Variants in DPP6 observed in about 807,000 individuals in gnomAD.
The protein encoded by DPP6 is dipeptidyl peptidase like 6, also known as A-type potassium channel modulatory protein DPP6.
DPP6 carries 69 observed loss-of-function variants against 122.6 expected under a neutral mutation model. That is an observed-to-expected ratio of 0.56 (90% CI 0.46 to 0.69). The LOEUF is 0.69. Among genes scored for constraint, DPP6 ranks in the 30% least tolerant of loss-of-function variants. The pLI is 0.00. For synonymous variants in DPP6, 418 were observed against 433.1 expected (o/e 0.97, Z 0.43); for missense variants, 928 against 1,116.9 (o/e 0.83, Z 2.41).
chr7:153,805,300 T>A, the DPP6 span, among the ~76,000 whole-genome samples: 1 of 152,316 alleles, frequency 6.6e-6, no homozygotes, highest in Non-Finnish European at 1.5e-5. Flanking sequence ...TTATAACCTG[T>A]TGACTTTGTT....
the DPP6 span, among the ~76,000 whole-genome samples, chr7:153,828,109 G>A: frequency 4.6e-5 from 7 of 152,288 alleles, no homozygotes; most frequent in African/African-American, 1.7e-4. Flanking sequence ...TTCCTCCAGT[G>A]CCTTCCAAGA....
At chr7:154,889,776 TC>T in intron 25 of DPP6, 1 of 582,472 alleles carries the variant, frequency 1.7e-6, no homozygotes, top group Non-Finnish European at 2.9e-6. Context: ...CTCCCCGTAC[TC>T]CCACCCCAGC....
intron 21 of DPP6, chr7:154,883,494 GCT>G (rs1805647981): frequency 8.7e-6 from 1 of 114,956 alleles, no homozygotes; most frequent in Non-Finnish European, 1.7e-5. Context: ...TCTCACACAT[GCT>G]CAGACACATG....
chr7:154,615,529 C>T (rs953546987), intron 5 of DPP6, among the ~76,000 whole-genome samples: 1 of 152,184 alleles, frequency 6.6e-6, no homozygotes, highest in Non-Finnish European at 1.5e-5. Flanking sequence ...ATTATTTTAA[C>T]CATCCGTAAG....
intron 1 of DPP6, among the ~76,000 whole-genome samples, chr7:154,358,775 A>T (rs1201674188): frequency 6.6e-6 from 1 of 152,192 alleles, no homozygotes; most frequent in Non-Finnish European, 1.5e-5. Flanking sequence ...ACGTGATCTC[A>T]GCTCACTGCA....
At chr7:154,313,685 G>GTGTATATATATATATATATATA in intron 1 of DPP6, among the ~76,000 whole-genome samples, 1 of 20,472 alleles carries the variant, frequency 4.9e-5, no homozygotes, top group African/African-American at 1.3e-4. Flanking sequence ...TTAAGATATG[G>GTGTATATATATATATATATATA]TATATATATA....
At chr7:154,388,459 TC>T (rs1387470120) in intron 1 of DPP6, among the ~76,000 whole-genome samples, 1 of 152,170 alleles carries the variant, frequency 6.6e-6, no homozygotes, top group Non-Finnish European at 1.5e-5. Context: ...GCCCAAGTCT[TC>T]CCCCCAAAAC....
chr7:154,425,220 G>A (rs1222665389), intron 1 of DPP6, among the ~76,000 whole-genome samples: 1 of 152,110 alleles, frequency 6.6e-6, no homozygotes, highest in Admixed American at 6.6e-5. Context: ...ACAGATTACA[G>A]TCATCTTGGA....
chr7:154,111,683 G>C (rs1269431053), intron 1 of DPP6, among the ~76,000 whole-genome samples: 3 of 149,168 alleles, frequency 2.0e-5, no homozygotes, highest in Non-Finnish European at 4.4e-5. Context: ...GCATGATTTA[G>C]TTGAAATTAG....
At chr7:154,008,443 T>C (rs546257138) in intron 1 of DPP6, among the ~76,000 whole-genome samples, 1 of 152,398 alleles carries the variant, frequency 6.6e-6, no homozygotes, top group South Asian at 2.1e-4. Context: ...GACATAGGTT[T>C]AAGCAAGTCT....
At chr7:154,339,945 C>T (rs756104367) in intron 1 of DPP6, among the ~76,000 whole-genome samples, 2 of 152,036 alleles carry the variant, frequency 1.3e-5, no homozygotes, top group African/African-American at 2.4e-5. Flanking sequence ...TGGGTGCACA[C>T]GCCTGTAATT....
chr7:154,292,573 G>A (rs1032463149), intron 1 of DPP6, among the ~76,000 whole-genome samples: 4 of 152,180 alleles, frequency 2.6e-5, no homozygotes, highest in African/African-American at 9.7e-5. Flanking sequence ...TCGAAAATGG[G>A]AAGTTAACAA....
At chr7:154,708,664 A>C (rs1840970916) in intron 7 of DPP6, among the ~76,000 whole-genome samples, 2 of 152,234 alleles carry the variant, frequency 1.3e-5, no homozygotes, top group Non-Finnish European at 2.9e-5. Flanking sequence ...TTACGATAAA[A>C]AAACCAAAAG....
chr7:154,272,113 A>C (rs1224397980), intron 1 of DPP6, among the ~76,000 whole-genome samples: 3 of 152,236 alleles, frequency 2.0e-5, no homozygotes, highest in African/African-American at 7.2e-5. Flanking sequence ...AAGTACCCTG[A>C]ATTGTTCACT....
chr7:154,642,021 G>A (rs186861373), intron 6 of DPP6, among the ~76,000 whole-genome samples: 15 of 152,314 alleles, frequency 9.8e-5, no homozygotes, highest in Admixed American at 8.5e-4. Context: ...GTGGAAATAG[G>A]AAACTGAGAC....
In DPP6 at chr7:154,116,797, T is replaced by A. The variant is rs183058231; in HGVS notation, c.243+63734T>A. 1.3e-3 allele frequency among the ~76,000 whole-genome samples: 203 copies of A among 152,362 alleles called. 1 individual carries two copies. In the Middle Eastern group the frequency reaches 0.02, roughly 15 times the overall value. On this transcript the variant is annotated intron_variant, in intron 1 of 25. Transcript: ENST00000377770. ...CCTGTCTCTTTTATCAGAAGGTGAA[T>A]TTAGAGAACAATTCTAAAACATAGG...
chr7:154,229,050 G>A (rs1311965091), intron 1 of DPP6, among the ~76,000 whole-genome samples: 3 of 152,174 alleles, frequency 2.0e-5, no homozygotes, highest in Non-Finnish European at 2.9e-5. Context: ...TGGTGGAGAA[G>A]CACTCTGTGG....
chr7:153,916,112 G>A (rs965166363), intron 1 of DPP6, among the ~76,000 whole-genome samples: 5 of 149,612 alleles, frequency 3.3e-5, no homozygotes, highest in Non-Finnish European at 7.4e-5. Context: ...GACTACAGGC[G>A]CCCGCCACTG....
intron 1 of DPP6, among the ~76,000 whole-genome samples, chr7:154,192,996 A>G (rs1281683500): frequency 6.6e-6 from 1 of 152,240 alleles, no homozygotes; most frequent in African/African-American, 2.4e-5. Flanking sequence ...CTCAGTAAAT[A>G]ACATGTGGAG....
Sources: gnomAD v4.1 joint callset for allele counts (sites outside exome capture counted in the v4.1 genomes callset) on GRCh38, gnomAD v4.1.1 for gene constraint, MANE v1.5 for transcripts, NCBI Gene and HGNC (gene_info 2026-07-23, HGNC 2026-07-21) for gene names.